The following KIFAP3 variants were observed in gnomAD, a reference collection of about 807,000 sequenced individuals.
KIFAP3 encodes kinesin associated protein 3.
In KIFAP3, 68 loss-of-function variants were observed where a neutral mutation model predicts 106.5. That is an observed-to-expected ratio of 0.64 (90% CI 0.53 to 0.78). KIFAP3 has a LOEUF of 0.78. Ranked by LOEUF, KIFAP3 falls within the 30% of genes least tolerant of loss-of-function variation. The probability of loss-of-function intolerance (pLI) is 0.00; values close to 1 mark genes in which losing one functional copy is unlikely to be tolerated. For missense variants in KIFAP3, 780 were observed against 941.8 expected, an observed-to-expected ratio of 0.83 and a Z score of 2.25; for synonymous variants, 320 against 311.5, an observed-to-expected ratio of 1.03 and a Z score of -0.29.
At chr1:170,074,363 T>G in intron 1 of KIFAP3, 73 bp downstream of exon 1, 3 of 1,531,718 alleles carry the variant, frequency 2.0e-6, no homozygotes, top group Non-Finnish European at 2.7e-6. Flanking sequence ...CCCAGTGACA[T>G]CTCACAGCCA....
intron 19 of KIFAP3, among the ~76,000 whole-genome samples, chr1:169,947,880 C>T (rs606047): frequency 0.94 from 141,723 of 151,536 alleles, 66,363 homozygotes; most frequent in East Asian, 0.99. Flanking sequence ...GGTGGATATT[C>T]ATTAGTAAAT....
intron 10 of KIFAP3, among the ~76,000 whole-genome samples, chr1:170,013,498 A>AT (rs1557837039): frequency 2.0e-4 from 30 of 147,908 alleles, no homozygotes; most frequent in Middle Eastern, 3.5e-3. Context: ...TATATATATA[A>AT]AATACATATA....
chr1:169,980,932 T>C (rs1666486327), intron 15 of KIFAP3, among the ~76,000 whole-genome samples: 1 of 152,072 alleles, frequency 6.6e-6, no homozygotes, highest in Non-Finnish European at 1.5e-5. Context: ...AGAAACCCCA[T>C]TTCTACTAAA....
At chr1:170,060,109 G>A (rs111291512) in intron 1 of KIFAP3, among the ~76,000 whole-genome samples, 9,637 of 152,220 alleles carry the variant, frequency 0.063, 388 homozygotes, top group Non-Finnish European at 0.095. Context: ...ACTGGCACAA[G>A]ACAGGGATGC....
chr1:169,961,318 T>C (rs1665319888), intron 17 of KIFAP3, 83 bp from the exon 18 acceptor site: 2 of 1,051,466 alleles, frequency 1.9e-6, no homozygotes, highest in South Asian at 2.9e-5. Context: ...CTCTTGAGAA[T>C]TTTGGGGGCC....
At chr1:169,989,988 T>C in intron 11 of KIFAP3, 1 of 1,468,422 alleles carries the variant, frequency 6.8e-7, no homozygotes, top group Non-Finnish European at 9.1e-7. Flanking sequence ...GGAATTACCT[T>C]CATAAGTACG....
intron 9 of KIFAP3, among the ~76,000 whole-genome samples, chr1:170,019,458 A>C (rs1330286632): frequency 6.6e-6 from 1 of 152,178 alleles, no homozygotes; most frequent in Admixed American, 6.5e-5. Flanking sequence ...CAATATATAT[A>C]AAAGAGCAAT....
chr1:169,983,573 T>C (rs1480104982), intron 12 of KIFAP3, among the ~76,000 whole-genome samples, 191 bp from the exon 13 acceptor site: 1 of 151,888 alleles, frequency 6.6e-6, no homozygotes, highest in Non-Finnish European at 1.5e-5. Flanking sequence ...CTCCAGAAAG[T>C]TCACTTGTGC....
chr1:169,959,840 A>C (rs937861895), intron 18 of KIFAP3, among the ~76,000 whole-genome samples: 3 of 152,144 alleles, frequency 2.0e-5, no homozygotes, highest in Admixed American at 2.0e-4. Context: ...TGTAAGGAAC[A>C]GCTGTTTGCC....
intron 8 of KIFAP3, among the ~76,000 whole-genome samples, chr1:170,028,726 A>G (rs890390411): frequency 6.6e-6 from 1 of 152,208 alleles, no homozygotes; most frequent in African/African-American, 2.4e-5. Context: ...TGCAACACTA[A>G]GCATGAAATG....
intron 10 of KIFAP3, 110 bp downstream of exon 10, chr1:170,016,352 G>T: frequency 1.2e-6 from 1 of 802,642 alleles, no homozygotes; most frequent in African/African-American, 1.8e-5. Flanking sequence ...TCCAGTCAAA[G>T]AATATAGACA....
At chr1:169,962,689 C>T (rs1315191770) in intron 17 of KIFAP3, among the ~76,000 whole-genome samples, 1 of 152,028 alleles carries the variant, frequency 6.6e-6, no homozygotes, top group Non-Finnish European at 1.5e-5. Flanking sequence ...TCACATAATA[C>T]ATTTCTGGGA....
chr1:169,929,344 A>G (rs562543973), intron 19 of KIFAP3, among the ~76,000 whole-genome samples: 2 of 152,336 alleles, frequency 1.3e-5, no homozygotes, highest in South Asian at 4.1e-4. Flanking sequence ...TCATAAGAAA[A>G]GAGGTTATAA....
At chr1:170,053,340 A>G (rs539554153) in intron 2 of KIFAP3, among the ~76,000 whole-genome samples, 14 of 152,332 alleles carry the variant, frequency 9.2e-5, no homozygotes, top group South Asian at 2.1e-4. Flanking sequence ...CAAGAAAATA[A>G]GAGAGGACAC....
chr1:170,033,939 C>A (rs1378989169), intron 7 of KIFAP3, among the ~76,000 whole-genome samples: 1 of 151,732 alleles, frequency 6.6e-6, no homozygotes, highest in Non-Finnish European at 1.5e-5. Context: ...TTTGCACTTT[C>A]CTAGAAAAAT....
chr1:169,953,946 G>C, intron 19 of KIFAP3, 65 bp downstream of exon 19: 2 of 1,046,822 alleles, frequency 1.9e-6, no homozygotes, highest in Non-Finnish European at 3.0e-6. Flanking sequence ...GGAGAGTGAA[G>C]AGGATTTTAG....
At chr1:170,024,236 C>A (rs1333271213) in intron 9 of KIFAP3, 182 bp downstream of exon 9, 4 of 426,354 alleles carry the variant, frequency 9.4e-6, no homozygotes, top group Non-Finnish European at 1.7e-5. Flanking sequence ...CTTCAATCAC[C>A]TGGAATATTA....
rs1183238527 is a variant in KIFAP3 at position 169,964,687 on chromosome 1, A to T, written c.1984-3452T>A. On this transcript the variant is annotated intron_variant, in intron 17 of 19. Transcript: ENST00000361580. ...GGGAGTTGAAAAATAATATGCACAG[A>T]GATGTTGTTTACAAGCAGTTTTGTG... 3.3e-5 allele frequency among the ~76,000 whole-genome samples: 5 copies of T among 152,150 alleles called. No individual in the cohort carries two copies. The East Asian group carries it at 9.6e-4, about 29-fold the overall frequency.
At chr1:170,032,514 A>T (rs1220311275) in intron 7 of KIFAP3, among the ~76,000 whole-genome samples, 1 of 151,726 alleles carries the variant, frequency 6.6e-6, no homozygotes, top group Non-Finnish European at 1.5e-5. Context: ...AAAGGTAAAC[A>T]AATTTTAAAA....
Sources: allele counts gnomAD v4.1 joint callset (sites outside exome capture counted in the v4.1 genomes callset), GRCh38; gene constraint gnomAD v4.1.1; transcripts MANE v1.5; gene names NCBI Gene and HGNC (gene_info 2026-07-23, HGNC 2026-07-21).